CCDC50: variants seen among roughly 807,000 people sequenced by gnomAD.
The protein encoded by CCDC50 is coiled-coil domain-containing protein 50.
A neutral mutation model predicts 70.2 loss-of-function variants in CCDC50; 54 were observed. The observed-to-expected ratio is 0.77, with a 90% CI of 0.62 to 0.96. The LOEUF is 0.96. CCDC50 is among the 50% of genes least tolerant of loss of function. The probability of loss-of-function intolerance (pLI) is 0.00; values close to 1 mark genes in which losing one functional copy is unlikely to be tolerated. For missense variants in CCDC50, 558 were observed against 578.7 expected (o/e 0.96, Z 0.37); for synonymous variants, 216 against 198.8 (o/e 1.09, Z -0.73).
chr3:191,337,628 C>G (rs1711564088), intron 1 of CCDC50, among the ~76,000 whole-genome samples: 1 of 151,986 alleles, frequency 6.6e-6, no homozygotes, highest in African/African-American at 2.4e-5. Context: ...CAAGCATTAG[C>G]CACTGCACCC....
intron 1 of CCDC50, among the ~76,000 whole-genome samples, chr3:191,333,852 T>C (rs1718062252): frequency 6.6e-6 from 1 of 152,180 alleles, no homozygotes; most frequent in East Asian, 1.9e-4. Flanking sequence ...GCATTAAATT[T>C]ATAAAAACTT....
chr3:191,370,417 A>G (rs911447331), intron 5 of CCDC50: 18 of 216,150 alleles, frequency 8.3e-5, no homozygotes, highest in African/African-American at 4.2e-4. Context: ...TCCTGTATAC[A>G]TGTGTTCTCA....
chr3:191,357,498 A>G (rs1300441057), intron 2 of CCDC50, among the ~76,000 whole-genome samples: 2 of 152,216 alleles, frequency 1.3e-5, no homozygotes, highest in African/African-American at 2.4e-5. Context: ...GGACTTGAAC[A>G]GTTTTCCCAG....
At chr3:191,337,234 C>T (rs980015320) in intron 1 of CCDC50, among the ~76,000 whole-genome samples, 2 of 151,846 alleles carry the variant, frequency 1.3e-5, no homozygotes, top group African/African-American at 2.4e-5. Context: ...TGTTATTTAA[C>T]CTTTTTTGGA....
chr3:191,374,980 A>C, intron 5 of CCDC50, 82 bp from the exon 6 acceptor site: 1 of 1,399,976 alleles, frequency 7.1e-7, no homozygotes, highest in African/African-American at 1.4e-5. Context: ...TGGAGCCCAG[A>C]CTCCCCCCTG....
chr3:191,375,087 G>C lies in CCDC50; in HGVS notation c.474G>C (p.Arg158Ser). 1 of 1,613,482 alleles carries C rather than the reference G, an allele frequency of 6.2e-7. No homozygotes were observed. Among genetic ancestry groups the C allele is most frequent in the Non-Finnish European group, 8.5e-7 (1 of 1,179,690 alleles). The change falls in exon 6 of 12, where the codon AGG (arginine) becomes AGC (serine). Residue 158 changes from arginine (R) to serine (S), a missense_variant. Transcript: ENST00000392455. ...DGDQPGSRRA[R>S]ELGSGFSRPC... ...ACCAACCAGGGTCAAGGAGGGCCAG[G>C]GAATTGGGTTCTGGATTCTCAAGAC...
chr3:191,344,952 C>G (rs532933343), intron 1 of CCDC50, among the ~76,000 whole-genome samples: 1 of 152,290 alleles, frequency 6.6e-6, no homozygotes, highest in South Asian at 2.1e-4. Flanking sequence ...TCCTCACATC[C>G]TCAAATGCAC....
Position 191,375,310 on chromosome 3 carries a change from C to T in CCDC50, c.697C>T (p.Pro233Ser). The stretch of plus-strand genomic sequence containing the variant: ...AAGGAAACGGTCCACTCAGGAGAGG[C>T]CTCGGAGACCTCTGCTTCCCACGAT... The part of the protein sequence containing the change: ...HERKRSTQER[P>S]RRPLLPTISG... The change falls in exon 6 of 12, where the codon CCT (proline) becomes TCT (serine). Residue 233 changes from proline (P) to serine (S), a missense_variant. Physicochemically the swap from Pro to Ser is moderately conservative, Grantham distance 74 (BLOSUM62 -1). Transcript: ENST00000392455. 6.2e-7 allele frequency: 1 copy of T among 1,613,726 alleles called. No homozygotes were observed. Among genetic ancestry groups the T allele is most frequent in the Non-Finnish European group, 8.5e-7 (1 of 1,179,810 alleles).
chr3:191,342,536 T>C (rs1240459238), intron 1 of CCDC50, among the ~76,000 whole-genome samples: 1 of 152,176 alleles, frequency 6.6e-6, no homozygotes, highest in Non-Finnish European at 1.5e-5. Context: ...ATGGTTTTTC[T>C]TCCCCTGGTG....
chr3:191,364,106 G>C (rs1712591883), intron 4 of CCDC50, among the ~76,000 whole-genome samples: 1 of 148,484 alleles, frequency 6.7e-6, no homozygotes, highest in South Asian at 2.1e-4. Flanking sequence ...GTCTTGCTCT[G>C]TCTCCAGGCT....
intron 10 of CCDC50, among the ~76,000 whole-genome samples, chr3:191,384,112 T>G (rs914542082): frequency 6.6e-5 from 10 of 152,170 alleles, no homozygotes; most frequent in Admixed American, 1.3e-4. Context: ...TTTTGGAATA[T>G]AATAGATACT....
intron 10 of CCDC50, among the ~76,000 whole-genome samples, chr3:191,389,218 C>T (rs981552877): frequency 6.6e-6 from 1 of 152,270 alleles, no homozygotes; most frequent in African/African-American, 2.4e-5. Context: ...GCAGCAGTCA[C>T]ATCTCACTAA....
intron 4 of CCDC50, among the ~76,000 whole-genome samples, chr3:191,364,298 A>G (rs1318925628): frequency 6.6e-6 from 1 of 151,162 alleles, no homozygotes; most frequent in Admixed American, 6.6e-5. Flanking sequence ...TGATCTCCTG[A>G]CCTTGTGATC....
intron 1 of CCDC50, among the ~76,000 whole-genome samples, chr3:191,353,052 A>C (rs529170409): frequency 1.4e-5 from 2 of 141,756 alleles, no homozygotes; most frequent in South Asian, 4.4e-4. Flanking sequence ...TGCTATGAAG[A>C]GCTTGCAGCT....
intron 11 of CCDC50, among the ~76,000 whole-genome samples, chr3:191,390,518 G>T (rs1408261793): frequency 2.6e-5 from 4 of 152,194 alleles, no homozygotes; most frequent in South Asian, 4.1e-4. Context: ...TGAGTTTTCT[G>T]GGAAAGGGGT....
At chr3:191,367,827 A>G (rs1254307805) in intron 4 of CCDC50, among the ~76,000 whole-genome samples, 1 of 152,116 alleles carries the variant, frequency 6.6e-6, no homozygotes, top group Non-Finnish European at 1.5e-5. Context: ...GTTCAAGGAA[A>G]TGTTTACGTT....
At chr3:191,342,691 G>C (rs1711773772) in intron 1 of CCDC50, among the ~76,000 whole-genome samples, 1 of 152,172 alleles carries the variant, frequency 6.6e-6, no homozygotes, top group African/African-American at 2.4e-5. Context: ...CCATTTGAGG[G>C]CTTGTGTAAG....
intron 4 of CCDC50, among the ~76,000 whole-genome samples, chr3:191,366,354 A>G (rs1156404035): frequency 6.6e-6 from 1 of 151,938 alleles, no homozygotes; most frequent in Admixed American, 6.6e-5. Context: ...TTCCTTCCTT[A>G]TGGTTATGGT....
chr3:191,369,829 C>G, intron 4 of CCDC50, 90 bp from the exon 5 acceptor site: 1 of 900,246 alleles, frequency 1.1e-6, no homozygotes, highest in South Asian at 1.3e-5. Context: ...AGAGCACATA[C>G]AAACTTGGCA....
Sources: allele counts gnomAD v4.1 joint callset (sites outside exome capture counted in the v4.1 genomes callset), GRCh38; gene constraint gnomAD v4.1.1; transcripts MANE v1.5; gene names NCBI Gene and HGNC (gene_info 2026-07-23, HGNC 2026-07-21).